Variants in STRA6 observed in about 807,000 individuals in gnomAD.
STRA6 encodes the protein receptor for retinol uptake STRA6.
Under a neutral mutation model 83.6 loss-of-function variants are expected in STRA6, and 48 were observed. The observed-to-expected ratio is 0.57, with a 90% CI of 0.46 to 0.73. STRA6 has a LOEUF of 0.73. Ranked by LOEUF, STRA6 falls within the 30% of genes least tolerant of loss-of-function variation. STRA6 has a pLI of 0.00. For synonymous variants in STRA6, 353 were observed against 362.3 expected, an observed-to-expected ratio of 0.97 and a Z score of 0.29; for missense variants, 760 against 838.8, an observed-to-expected ratio of 0.91 and a Z score of 1.16.
intron 9 of STRA6, 40 bp from the exon 10 acceptor site, chr15:74,191,283 A>G: frequency 3.1e-6 from 5 of 1,611,696 alleles, no homozygotes; most frequent in Non-Finnish European, 4.2e-6. Context: ...CCTCAGGGGA[A>G]GCCCATTCCC....
At chr15:74,202,322 T>A in intron 1 of STRA6, 40 bp from the exon 2 acceptor site, 1 of 1,581,996 alleles carries the variant, frequency 6.3e-7, no homozygotes, top group Non-Finnish European at 8.6e-7. Flanking sequence ...CCACTACAGA[T>A]GTGAAAAGAG....
At chr15:74,189,811 G>A (rs555756064) in intron 11 of STRA6, among the ~76,000 whole-genome samples, 3 of 151,882 alleles carry the variant, frequency 2.0e-5, no homozygotes, top group South Asian at 2.1e-4. Flanking sequence ...CTACAGGCCC[G>A]CGCCACCACC....
chr15:74,202,068 C>T, intron 2 of STRA6, 87 bp downstream of exon 2: 3 of 1,349,978 alleles, frequency 2.2e-6, no homozygotes, highest in Non-Finnish European at 2.9e-6. Context: ...AGCCCCTGCC[C>T]AGGAGCTGCT....
chr15:74,211,165 A>G (rs913784095), upstream of STRA6, among the ~76,000 whole-genome samples: 3 of 151,704 alleles, frequency 2.0e-5, no homozygotes, highest in African/African-American at 2.4e-5. Context: ...ACACACACAC[A>G]CACACACACA....
chr15:74,195,957 C>G (rs2073793387), intron 5 of STRA6, 51 bp downstream of exon 5: 1 of 1,611,412 alleles, frequency 6.2e-7, no homozygotes, highest in Non-Finnish European at 8.5e-7. Flanking sequence ...CGAGACCCCA[C>G]CCTACCCCAT....
rs758744030 is a variant in STRA6 at position 74,181,376 on chromosome 15, G to A, written c.1603C>T (p.Leu535Phe). The change falls in exon 17 of 19, where the codon CTC becomes TTC. Residue 535 changes from leucine (L) to phenylalanine (F), a missense_variant. Coordinates refer to ENST00000395105, the MANE Select transcript of STRA6 (RefSeq NM_022369.4). ...TGGATGGCGTTGTAGAGGGCAGAGA[G>A]GAGCACTCGCCAGGTGGCCACCATG... ...GAMVATWRVL[L>F]SALYNAIHLG... The A allele has an allele frequency of 2.5e-6, 4 of 1,613,842 alleles. No individual in the cohort carries two copies. Among genetic ancestry groups the A allele is most frequent in the Non-Finnish European group, 3.4e-6 (4 of 1,179,972 alleles).
At chr15:74,207,720 A>C (rs2142112800), upstream of STRA6, 33 of 1,535,706 alleles carry the variant, frequency 2.1e-5, no homozygotes, top group Non-Finnish European at 2.9e-5. Flanking sequence ...TCCCCTTGAG[A>C]GTCCATGAAT....
chr15:74,202,840 GC>G (rs1356938083), upstream of STRA6: 6 of 1,063,972 alleles, frequency 5.6e-6, no homozygotes, highest in Non-Finnish European at 4.5e-6. Flanking sequence ...GCCTCAGCCT[GC>G]CCCTTTCTGG....
upstream of STRA6, chr15:74,207,672 G>T (rs1352942445): frequency 6.5e-7 from 1 of 1,531,274 alleles, no homozygotes; most frequent in African/African-American, 1.4e-5. Context: ...CGTTCCAGGA[G>T]TGGGGGGATG....
At chr15:74,209,348 C>T (rs1353354079), upstream of STRA6, 5 of 1,531,108 alleles carry the variant, frequency 3.3e-6, no homozygotes, top group Non-Finnish European at 4.4e-6. Context: ...GCTGAGGAAC[C>T]CCCTACTTAC....
rs2073604858 is a variant in STRA6 at position 74,192,660 on chromosome 15, C to T, written c.720+1140G>A. Among the ~76,000 whole-genome samples, 4 of 152,228 alleles carry T rather than the reference C, an allele frequency of 2.6e-5. No individual in the cohort carries two copies. In the East Asian group the frequency reaches 7.7e-4, roughly 29 times the overall value. Reference sequence around the variant, plus strand: ...CTGGGCCAGCAGCTGGCACCACCACCTACCTGCTGGCTGGCCAGGTGCCTC... The same window carrying T: ...CTGGGCCAGCAGCTGGCACCACCACTTACCTGCTGGCTGGCCAGGTGCCTC... On this transcript the variant is annotated intron_variant, in intron 8 of 18. Transcript: ENST00000395105.
intron 12 of STRA6, among the ~76,000 whole-genome samples, chr15:74,187,012 G>C (rs2073286672): frequency 6.6e-6 from 1 of 152,220 alleles, no homozygotes; most frequent in African/African-American, 2.4e-5. Flanking sequence ...GCAAGGTTGG[G>C]AGAAAGCACT....
intron 8 of STRA6, among the ~76,000 whole-genome samples, chr15:74,192,434 G>A (rs2073594562): frequency 6.6e-6 from 1 of 152,144 alleles, no homozygotes; most frequent in Admixed American, 6.5e-5. Flanking sequence ...TGGAGTCCGT[G>A]GGCCTTCTCG....
intron 7 of STRA6, chr15:74,195,095 A>G: frequency 6.8e-7 from 1 of 1,463,900 alleles, no homozygotes; most frequent in Non-Finnish European, 9.0e-7. Flanking sequence ...AAAGTTCCTG[A>G]GGGCTGGGCC....
intron 1 of STRA6, among the ~76,000 whole-genome samples, chr15:74,208,334 C>T (rs1336357409): frequency 1.3e-5 from 2 of 152,146 alleles, no homozygotes; most frequent in Non-Finnish European, 2.9e-5. Flanking sequence ...ATGAAGATTC[C>T]CCAGCTATAA....
intron 12 of STRA6, among the ~76,000 whole-genome samples, chr15:74,186,256 T>A (rs1426119445): frequency 2.0e-5 from 3 of 152,326 alleles, no homozygotes. Context: ...TTTATTTCCA[T>A]CAGAAATGAA....
upstream of STRA6, among the ~76,000 whole-genome samples, chr15:74,210,311 A>G (rs910216307): frequency 3.9e-5 from 6 of 152,254 alleles, no homozygotes; most frequent in African/African-American, 1.4e-4. Context: ...ATCAATGCTG[A>G]TAAGTTGACA....
At chr15:74,197,653 T>G in intron 3 of STRA6, 99 bp downstream of exon 3, 1 of 1,492,756 alleles carries the variant, frequency 6.7e-7, no homozygotes, top group South Asian at 1.2e-5. Context: ...ACCCAGGATC[T>G]TCCAGGGCCC....
Position 74,188,372 on chromosome 15 carries a change from C to T in STRA6, c.1090+743G>A, listed in dbSNP as rs2073361893. ...CTGGGGTCCCCAAGTAAGCAGAAGGCGCATGCCTCCTGAGTCCTCAGCACC... is the reference window on the plus strand; with the variant it reads ...CTGGGGTCCCCAAGTAAGCAGAAGGTGCATGCCTCCTGAGTCCTCAGCACC... On this transcript the variant is annotated intron_variant, in intron 12 of 18. Coordinates refer to ENST00000395105, the MANE Select transcript of STRA6 (RefSeq NM_022369.4). The surrounding 1 kb of genome is among the most constrained non-coding windows in gnomAD (Gnocchi z 4.5). 1.3e-5 allele frequency among the ~76,000 whole-genome samples: 2 copies of T among 152,256 alleles called. No homozygotes were observed. Among genetic ancestry groups the T allele is most frequent in the African/African-American group, 4.8e-5 (2 of 41,468 alleles).
Sources: allele counts gnomAD v4.1 joint callset (sites outside exome capture counted in the v4.1 genomes callset), GRCh38; gene constraint gnomAD v4.1.1; non-coding constraint Gnocchi (gnomAD v3.1); transcripts MANE v1.5; gene names NCBI Gene and HGNC (gene_info 2026-07-23, HGNC 2026-07-21).